The following NBDY variants were observed in gnomAD, a reference collection of about 807,000 sequenced individuals.
NBDY encodes negative regulator of P-body association, also known as P-body dissociating protein.
chrX:56,741,818 G>A (rs989449282), intron 2 of NBDY, among the ~76,000 whole-genome samples: 1 of 111,338 alleles, frequency 9.0e-6, no homozygotes, highest in Non-Finnish European at 1.9e-5. Context: ...GCTTTGCTGT[G>A]CAGAAGCTTT....
At chrX:56,814,711 C>G (rs1176855793) in intron 2 of NBDY, among the ~76,000 whole-genome samples, 1 of 110,535 alleles carries the variant, frequency 9.0e-6, no homozygotes, top group Admixed American at 9.6e-5. Flanking sequence ...GCCCGGATGG[C>G]CTCCATCTCT....
intron 2 of NBDY, among the ~76,000 whole-genome samples, chrX:56,796,144 AT>A (rs1243465844): frequency 9.0e-6 from 1 of 110,518 alleles, no homozygotes; most frequent in Non-Finnish European, 1.9e-5. Context: ...TGTTGGCATA[AT>A]GTTCAGGATG....
At chrX:56,795,734 G>A (rs1209085806) in intron 2 of NBDY, among the ~76,000 whole-genome samples, 1 of 112,187 alleles carries the variant, frequency 8.9e-6, no homozygotes, top group Non-Finnish European at 1.9e-5. Context: ...GGCTTCACCC[G>A]ATTTCTTTTA....
chrX:56,783,214 C>T (rs2069706107), intron 2 of NBDY, among the ~76,000 whole-genome samples: 1 of 112,791 alleles, frequency 8.9e-6, no homozygotes, highest in Non-Finnish European at 1.9e-5. Flanking sequence ...GGCGGCCTGT[C>T]TCCACAGCTG....
intron 2 of NBDY, among the ~76,000 whole-genome samples, chrX:56,767,107 C>T (rs1290666660): frequency 8.8e-6 from 1 of 113,689 alleles, no homozygotes; most frequent in Non-Finnish European, 1.9e-5. Context: ...GTGGCCACTG[C>T]CTTGTACTTG....
intron 2 of NBDY, among the ~76,000 whole-genome samples, chrX:56,795,844 A>G (rs1414271032): frequency 8.9e-6 from 1 of 112,762 alleles, no homozygotes; most frequent in East Asian, 2.8e-4. Flanking sequence ...AAAAGAATGC[A>G]GGAAGATCTG....
chrX:56,730,782 T>G (rs1250636696), intron 1 of NBDY, among the ~76,000 whole-genome samples: 1 of 111,516 alleles, frequency 9.0e-6, no homozygotes, highest in Non-Finnish European at 1.9e-5. Flanking sequence ...TGCTACTATT[T>G]GTATTTTAAG....
intron 2 of NBDY, among the ~76,000 whole-genome samples, chrX:56,767,778 C>G (rs961149739): frequency 1.9e-5 from 2 of 103,297 alleles, no homozygotes; most frequent in Admixed American, 2.1e-4. Context: ...TGTGGTTGTA[C>G]TTGGCATTTG....
chrX:56,786,576 C>T, intron 2 of NBDY, among the ~76,000 whole-genome samples: 1 of 110,193 alleles, frequency 9.1e-6, no homozygotes, highest in Admixed American at 9.7e-5. Context: ...TCTCCTCCTC[C>T]TTCTCCTCCA....
chrX:56,797,218 CCTT>C (rs770516536), intron 2 of NBDY, among the ~76,000 whole-genome samples: 17 of 106,307 alleles, frequency 1.6e-4, no homozygotes, highest in Admixed American at 3.1e-4. Flanking sequence ...TCCTCCTTCT[CCTT>C]CTTCTTTTCT....
At chrX:56,732,039 A>G in intron 1 of NBDY, 24 bp from the exon 2 acceptor site, 1 of 295,596 alleles carries the variant, frequency 3.4e-6, no homozygotes, top group East Asian at 4.8e-5. Flanking sequence ...AAATGATGCC[A>G]CAATATTTTT....
At chrX:56,792,728 C>G (rs1165505149) in intron 2 of NBDY, among the ~76,000 whole-genome samples, 1 of 111,739 alleles carries the variant, frequency 8.9e-6, no homozygotes, top group Non-Finnish European at 1.9e-5. Flanking sequence ...CACACTGGTT[C>G]TAAATGTGCA....
At chrX:56,741,934 A>G (rs906692531) in intron 2 of NBDY, among the ~76,000 whole-genome samples, 3 of 111,330 alleles carry the variant, frequency 2.7e-5, no homozygotes, top group African/African-American at 9.8e-5. Flanking sequence ...GATTTTTCCC[A>G]TATTTTCTTG....
intron 2 of NBDY, among the ~76,000 whole-genome samples, chrX:56,740,078 AT>A (rs1447493603): frequency 1.8e-5 from 2 of 111,734 alleles, no homozygotes; most frequent in Non-Finnish European, 3.8e-5. Flanking sequence ...ATTGTCTCAG[AT>A]TTAGTGACTG....
At chrX:56,758,674 C>T (rs2069623332) in intron 2 of NBDY, among the ~76,000 whole-genome samples, 1 of 111,748 alleles carries the variant, frequency 8.9e-6, no homozygotes, top group Non-Finnish European at 1.9e-5. Context: ...GGTAGCCAGG[C>T]CCCCGGCAGT....
chrX:56,797,157 TCTC>T (rs1316642785), intron 2 of NBDY, among the ~76,000 whole-genome samples: 5 of 104,960 alleles, frequency 4.8e-5, no homozygotes, highest in African/African-American at 1.4e-4. Flanking sequence ...CTTCCCTCCT[TCTC>T]CTTCTTCTTC....
chrX:56,808,953 C>T (rs773331503), intron 2 of NBDY, among the ~76,000 whole-genome samples: 4 of 112,479 alleles, frequency 3.6e-5, no homozygotes, highest in Non-Finnish European at 5.6e-5. Context: ...GATTCTGGTA[C>T]GTTGTGTCTT....
rs959122313 is a variant in NBDY, at chrX:56,745,760, C to T, written c.*166+13561C>T. 5.5e-5 allele frequency among the ~76,000 whole-genome samples: 6 copies of T among 109,304 alleles called. No homozygotes were observed. The East Asian group carries it at 8.6e-4, about 16-fold the overall frequency. The allele number at this position is 109,304 out of a possible 115,157, so 94.9% of individuals were successfully genotyped here. ...TTTTTTTCTTGTCCTTTTTTTGTGA[C>T]GTTGCCATTTTTGATGAGTCCAGGT... On this transcript the variant is annotated intron_variant, in intron 2 of 2. Coordinates refer to ENST00000374922, the MANE Select transcript of NBDY (RefSeq NM_001348129.2).
chrX:56,750,280 T>C (rs2069577736), intron 2 of NBDY, among the ~76,000 whole-genome samples: 2 of 111,459 alleles, frequency 1.8e-5, no homozygotes, highest in Non-Finnish European at 3.8e-5. Flanking sequence ...CGTTTAAAAT[T>C]CTCTGCTTTC....
Sources: gnomAD v4.1 joint callset for allele counts (sites outside exome capture counted in the v4.1 genomes callset) on GRCh38, gnomAD v4.1.1 for gene constraint, MANE v1.5 for transcripts, NCBI Gene and HGNC (gene_info 2026-07-23, HGNC 2026-07-21) for gene names.